PAN3: variants seen among roughly 807,000 people sequenced by gnomAD.
PAN3 encodes the protein PAN2-PAN3 deadenylation complex subunit PAN3.
PAN3 carries 19 observed loss-of-function variants against 96.2 expected under a neutral mutation model. The ratio of observed to expected loss-of-function variants is 0.20; its 90% CI spans 0.14 to 0.29. The LOEUF (loss-of-function observed/expected upper bound fraction) is 0.29. PAN3 is among the 10% of genes least tolerant of loss of function. PAN3 has a pLI of 1.00. For missense variants in PAN3, 882 were observed against 1,108.1 expected, an observed-to-expected ratio of 0.80 and a Z score of 2.90; for synonymous variants, 433 against 406.6, an observed-to-expected ratio of 1.06 and a Z score of -0.78.
chr13:28,157,875 A>G (rs1179591313), intron 1 of PAN3, among the ~76,000 whole-genome samples: 1 of 152,252 alleles, frequency 6.6e-6, no homozygotes, highest in East Asian at 1.9e-4. Flanking sequence ...TATGGAACCA[A>G]AAAAACAGCC....
At chr13:28,147,769 T>C (rs1484887791) in intron 1 of PAN3, among the ~76,000 whole-genome samples, 1 of 152,192 alleles carries the variant, frequency 6.6e-6, no homozygotes, top group Non-Finnish European at 1.5e-5. Context: ...TCATAGTCAG[T>C]TGGGAATTGT....
chr13:28,156,920 G>C (rs367791538), intron 1 of PAN3, among the ~76,000 whole-genome samples: 13 of 150,954 alleles, frequency 8.6e-5, no homozygotes, highest in African/African-American at 3.2e-4. Flanking sequence ...GCTTGGGCCT[G>C]GGAGGCAGAG....
chr13:28,240,790 A>G (rs1883584191), intron 6 of PAN3, among the ~76,000 whole-genome samples: 1 of 152,222 alleles, frequency 6.6e-6, no homozygotes, highest in Non-Finnish European at 1.5e-5. Flanking sequence ...TTTTGAGGAA[A>G]GAAGTAAAGG....
intron 6 of PAN3, among the ~76,000 whole-genome samples, chr13:28,254,657 TAA>T (rs1289255005): frequency 6.6e-6 from 1 of 152,162 alleles, no homozygotes; most frequent in Non-Finnish European, 1.5e-5. Context: ...GAATAGTTTT[TAA>T]AAAATAAAAT....
At chr13:28,162,646 TA>T (rs59805706) in intron 1 of PAN3, among the ~76,000 whole-genome samples, 2,542 of 139,590 alleles carry the variant, frequency 0.018, 49 homozygotes, top group African/African-American at 0.056. Flanking sequence ...GACTCTGCCT[TA>T]AAAAAAAAAA....
At chr13:28,281,660 C>G (rs1887477445) in intron 17 of PAN3, among the ~76,000 whole-genome samples, 1 of 152,128 alleles carries the variant, frequency 6.6e-6, no homozygotes, top group Non-Finnish European at 1.5e-5. Context: ...TACCTCTACC[C>G]TATCTTCTTT....
intron 5 of PAN3, among the ~76,000 whole-genome samples, chr13:28,199,579 AAAAT>A (rs1475665783): frequency 6.6e-6 from 1 of 152,182 alleles, no homozygotes; most frequent in Non-Finnish European, 1.5e-5. Flanking sequence ...GAAGTACTGA[AAAAT>A]ACTCATCTCG....
rs140190133 is a variant in PAN3 at position 28,220,340 on chromosome 13, C to T, written c.962C>T (p.Pro321Leu). ...GCCTTCTCTCAAGTTTTCTCTCACC[C>T]ATCCATGGGAAGCCCTGCTACTGCT... Reference protein sequence around the residue: ...MSAFSQVFSHPSMGSPATAGL... With the variant: ...MSAFSQVFSHLSMGSPATAGL... Residue 321 changes from proline to leucine, a missense_variant, in exon 6 of 19, where the codon CCA (proline) becomes CTA (leucine). Coordinates refer to ENST00000380958, the MANE Select transcript of PAN3 (RefSeq NM_175854.8). The T allele has an allele frequency of 3.1e-5, 50 of 1,613,688 alleles. No individual in the cohort carries two copies. Among genetic ancestry groups the T allele is most frequent in the Non-Finnish European group, 4.2e-5 (49 of 1,179,806 alleles).
intron 17 of PAN3, among the ~76,000 whole-genome samples, chr13:28,286,393 C>T (rs1236788765): frequency 6.6e-6 from 1 of 152,190 alleles, no homozygotes; most frequent in Non-Finnish European, 1.5e-5. Flanking sequence ...TTTTGCCAGA[C>T]AGGTGGCAGT....
At chr13:28,206,960 G>C (rs1879449900) in intron 5 of PAN3, among the ~76,000 whole-genome samples, 1 of 151,748 alleles carries the variant, frequency 6.6e-6, no homozygotes, top group Non-Finnish European at 1.5e-5. Context: ...GGTTTCTTCT[G>C]AACATCTTCA....
At chr13:28,211,955 C>G (rs932670049) in intron 5 of PAN3, among the ~76,000 whole-genome samples, 1 of 152,154 alleles carries the variant, frequency 6.6e-6, no homozygotes, top group African/African-American at 2.4e-5. Context: ...GGAGACCAAA[C>G]TGGAAGTCCA....
At position 28,142,898 on chromosome 13, in the gene PAN3, C is replaced by T. The variant is rs182874774; in HGVS notation, c.430+3811C>T. Reference sequence around the variant, plus strand: ...TATATCTAGGCATTTGAGGTTTTGACTCTAACTTTAGCACTTCACATTTGC... The same window carrying T: ...TATATCTAGGCATTTGAGGTTTTGATTCTAACTTTAGCACTTCACATTTGC... On this transcript the variant is annotated intron_variant, in intron 1 of 18. Transcript: ENST00000380958. Among the ~76,000 whole-genome samples, 13 of 152,250 alleles carry T rather than the reference C, an allele frequency of 8.5e-5. No individual in the cohort carries two copies. The East Asian group carries it at 2.5e-3, about 29-fold the overall frequency.
chr13:28,199,685 GT>G (rs1279593434), intron 5 of PAN3, among the ~76,000 whole-genome samples: 1 of 151,936 alleles, frequency 6.6e-6, no homozygotes. Context: ...TTGTATTGGA[GT>G]TTTTATCTTT....
intron 1 of PAN3, among the ~76,000 whole-genome samples, chr13:28,162,547 G>A (rs1213070016): frequency 2.6e-5 from 4 of 151,854 alleles, no homozygotes; most frequent in Non-Finnish European, 4.4e-5. Flanking sequence ...TTATATGGGC[G>A]TGGTGGCGCA....
At chr13:28,280,744 A>G (rs1887408803) in intron 16 of PAN3, among the ~76,000 whole-genome samples, 1 of 151,682 alleles carries the variant, frequency 6.6e-6, no homozygotes, top group South Asian at 2.1e-4. Context: ...TATTGTTAGT[A>G]GAGACGGGGT....
intron 1 of PAN3, among the ~76,000 whole-genome samples, chr13:28,139,693 T>G (rs1197040394): frequency 6.6e-6 from 1 of 152,016 alleles, no homozygotes; most frequent in East Asian, 1.9e-4. Context: ...GACTGTCGCG[T>G]TCAAAGTGTG....
At chr13:28,286,510 C>G (rs904589115) in intron 17 of PAN3, among the ~76,000 whole-genome samples, 1 of 152,196 alleles carries the variant, frequency 6.6e-6, no homozygotes. Context: ...TTTGTGGCTT[C>G]AGTTTCTGAG....
chr13:28,236,132 T>C (rs1475474975), intron 6 of PAN3, among the ~76,000 whole-genome samples: 1 of 152,190 alleles, frequency 6.6e-6, no homozygotes, highest in Non-Finnish European at 1.5e-5. Flanking sequence ...TACAGTTAAG[T>C]ATTAAGATTG....
chr13:28,138,603 T>TTGCGGCGGC lies in PAN3; in HGVS notation c.-55_-54insTGCGGCGGC. 1 of 465,332 alleles carries TTGCGGCGGC rather than the reference T, an allele frequency of 2.1e-6. No homozygotes were observed. Among genetic ancestry groups the TTGCGGCGGC allele is most frequent in the Non-Finnish European group, 3.7e-6 (1 of 269,504 alleles). 28.8% of individuals were successfully genotyped at this position (465,332 alleles called of 1,614,324 possible). A position where few individuals can be genotyped will look rare whatever the true frequency, so the allele number is the denominator to read the frequency against. ...TCTTCCTTTCCTCCCCCGTCTATGG[T>TTGCGGCGGC]GGTGGCGGCGGCGGCTCCTCGGGCG... is the stretch of plus-strand genomic sequence containing the variant. On this transcript the variant is annotated 5_prime_UTR_variant, in exon 1 of 19. Transcript: ENST00000380958.
Sources: gnomAD v4.1 joint callset for allele counts (sites outside exome capture counted in the v4.1 genomes callset) on GRCh38, gnomAD v4.1.1 for gene constraint, MANE v1.5 for transcripts, NCBI Gene and HGNC (gene_info 2026-07-23, HGNC 2026-07-21) for gene names.